The following FLRT1 variants were observed in gnomAD, a reference collection of about 807,000 sequenced individuals.
The protein encoded by FLRT1 is fibronectin leucine rich transmembrane protein 1.
FLRT1 carries 14 observed loss-of-function variants against 30.9 expected under a neutral mutation model. The observed-to-expected ratio is 0.45, with a 90% confidence interval of 0.30 to 0.71. The LOEUF is 0.71. Ranked by LOEUF, FLRT1 falls within the 30% of genes least tolerant of loss-of-function variation. FLRT1 has a pLI of 0.08. For missense variants in FLRT1, 737 were observed against 949.2 expected, an observed-to-expected ratio of 0.78 and a Z score of 2.94; for synonymous variants, 368 against 430.4, an observed-to-expected ratio of 0.85 and a Z score of 1.80.
At chr11:64,065,522 G>A (rs1943982711) in intron 1 of FLRT1, among the ~76,000 whole-genome samples, 1 of 152,192 alleles carries the variant, frequency 6.6e-6, no homozygotes, top group Non-Finnish European at 1.5e-5. Context: ...AGGCGCGGTG[G>A]CTCATGCCTG....
chr11:64,041,901 C>CAGTGAGT (rs1438986221), intron 1 of FLRT1, among the ~76,000 whole-genome samples: 1 of 152,216 alleles, frequency 6.6e-6, no homozygotes, highest in Non-Finnish European at 1.5e-5. Flanking sequence ...CCAGTTAAAG[C>CAGTGAGT]ACAGGAGTGA....
chr11:64,096,812 T>C lies in FLRT1; in HGVS notation c.-1037-6382T>C, dbSNP rs1207555303. ...GGAAGAGGGCAGGCCTGTGGGGGGCTGCCGTGTCCCCATACCCTCCAAGCA... is the reference window on the plus strand; with the variant it reads ...GGAAGAGGGCAGGCCTGTGGGGGGCCGCCGTGTCCCCATACCCTCCAAGCA... On this transcript the variant is annotated intron_variant, in intron 1 of 2. Coordinates refer to ENST00000682287, the MANE Select transcript of FLRT1 (RefSeq NM_013280.5). This position sits in a 1 kb window ranked among gnomAD's most constrained non-coding sequence, Gnocchi z 4.6. Among the ~76,000 whole-genome samples the C allele has an allele frequency of 6.6e-6, 1 of 152,196 alleles. No individual in the cohort carries two copies. Among genetic ancestry groups the C allele is most frequent in the Non-Finnish European group, 1.5e-5 (1 of 68,034 alleles).
At chr11:64,085,383 C>T (rs879722864) in intron 1 of FLRT1, among the ~76,000 whole-genome samples, 1 of 152,192 alleles carries the variant, frequency 6.6e-6, no homozygotes, top group Admixed American at 6.5e-5. Context: ...TCTCTGGGGG[C>T]GGCGGGCTGC....
intron 1 of FLRT1, among the ~76,000 whole-genome samples, chr11:64,069,944 G>T (rs373483858): frequency 6.6e-4 from 100 of 152,120 alleles, no homozygotes; most frequent in African/African-American, 2.1e-3. Context: ...AGCCCGACTC[G>T]CGCCCAGTGG....
chr11:64,088,465 G>T (rs1173994135), intron 1 of FLRT1, among the ~76,000 whole-genome samples: 1 of 152,180 alleles, frequency 6.6e-6, no homozygotes, highest in South Asian at 2.1e-4. Flanking sequence ...CTGGGGCAGG[G>T]CAGGCGCTCA....
At chr11:64,085,387 G>T (rs1013389666) in intron 1 of FLRT1, among the ~76,000 whole-genome samples, 6 of 152,332 alleles carry the variant, frequency 3.9e-5, no homozygotes, top group African/African-American at 1.4e-4. Context: ...TGGGGGCGGC[G>T]GGCTGCCTGC....
intron 1 of FLRT1, among the ~76,000 whole-genome samples, chr11:64,059,983 G>A (rs1003553246): frequency 6.6e-6 from 1 of 152,210 alleles, no homozygotes; most frequent in African/African-American, 2.4e-5. Context: ...GGTACTGAGG[G>A]CCGGGAAGGG....
At chr11:64,078,676 G>A (rs1025103360) in intron 1 of FLRT1, among the ~76,000 whole-genome samples, 4 of 152,156 alleles carry the variant, frequency 2.6e-5, no homozygotes, top group African/African-American at 7.2e-5. Context: ...GCTCTTCACC[G>A]AGCTTTGAGG....
chr11:64,056,606 G>T (rs933270500), intron 1 of FLRT1, among the ~76,000 whole-genome samples: 4 of 152,234 alleles, frequency 2.6e-5, no homozygotes, highest in Admixed American at 1.3e-4. Context: ...CCTGAGTCCG[G>T]ATGGCAGCAG....
rs912820723 is a variant in FLRT1 at position 64,110,325 on chromosome 11, T to C, written c.-49-5894T>C. On this transcript the variant is annotated intron_variant, in intron 2 of 2. Coordinates refer to ENST00000682287, the MANE Select transcript of FLRT1 (RefSeq NM_013280.5). The stretch of plus-strand genomic sequence containing the variant: ...ATTAGCTGGGTGTGGTGGTGCAGCA[T>C]GTGGTCCCAGCTCTGCAGGAGGCTG... Among the ~76,000 whole-genome samples the C allele has an allele frequency of 8.6e-5, 13 of 151,700 alleles. 1 individual carries two copies. The highest frequency in any genetic ancestry group is 7.9e-4 in the Admixed American group (12 of 15,214).
intron 1 of FLRT1, chr11:64,060,652 G>T (rs1197549017): frequency 6.6e-6 from 1 of 151,840 alleles, no homozygotes; most frequent in East Asian, 1.9e-4. Context: ...GTGACCTGGG[G>T]CAAGGTCTGT....
At chr11:64,079,591 G>A (rs1229899868) in intron 1 of FLRT1, among the ~76,000 whole-genome samples, 1 of 152,186 alleles carries the variant, frequency 6.6e-6, no homozygotes, top group East Asian at 1.9e-4. Flanking sequence ...AGGGTCCTGG[G>A]CGTGGGGTGG....
chr11:64,058,154 T>C (rs74909261), intron 1 of FLRT1, among the ~76,000 whole-genome samples: 4,132 of 152,370 alleles, frequency 0.027, 89 homozygotes, highest in Middle Eastern at 0.051. Context: ...GTTTCTGGGA[T>C]AGACGGTGGA....
intron 1 of FLRT1, among the ~76,000 whole-genome samples, chr11:64,048,218 G>A (rs1943622705): frequency 6.6e-6 from 1 of 152,246 alleles, no homozygotes; most frequent in African/African-American, 2.4e-5. Context: ...GGCCTTCGAG[G>A]AGAGCTCAGC....
rs148936962 is a variant in FLRT1, at chr11:64,067,163, G to A, written c.-1038+31004G>A. Among the ~76,000 whole-genome samples the A allele has an allele frequency of 1.1e-4, 17 of 152,276 alleles. No individual in the cohort carries two copies. Among genetic ancestry groups the A allele is most frequent in the Non-Finnish European group, 1.9e-4 (13 of 68,022 alleles). On this transcript the variant is annotated intron_variant, in intron 1 of 2. Coordinates refer to ENST00000682287, the MANE Select transcript of FLRT1 (RefSeq NM_013280.5). This position sits in a 1 kb window ranked among gnomAD's most constrained non-coding sequence, Gnocchi z 4.6. ...GCAGGGCTGGTGGGGGTGGGAGGCC[G>A]GCCATACCCACCTGTAGGCACATGC...
chr11:64,078,211 C>A (rs1408258665), intron 1 of FLRT1, among the ~76,000 whole-genome samples: 1 of 152,190 alleles, frequency 6.6e-6, no homozygotes, highest in Non-Finnish European at 1.5e-5. Flanking sequence ...TGGCCATGCC[C>A]ATGCCCAGTA....
chr11:64,081,682 A>C (rs2134493357), intron 1 of FLRT1: 1 of 152,196 alleles, frequency 6.6e-6, no homozygotes, highest in Middle Eastern at 3.4e-3. Context: ...TTTCTGCTTG[A>C]ACCATGCAGG....
chr11:64,038,748 T>C (rs1267646614), intron 1 of FLRT1, among the ~76,000 whole-genome samples: 1 of 152,112 alleles, frequency 6.6e-6, no homozygotes, highest in Non-Finnish European at 1.5e-5. Context: ...AGTCTGGAAA[T>C]GATATCAACC....
intron 1 of FLRT1, among the ~76,000 whole-genome samples, chr11:64,091,933 G>A (rs1434162864): frequency 6.6e-6 from 1 of 152,174 alleles, no homozygotes; most frequent in African/African-American, 2.4e-5. Flanking sequence ...CTCTGGGGCT[G>A]CAGGAAGCAT....
Sources: allele counts gnomAD v4.1 joint callset (sites outside exome capture counted in the v4.1 genomes callset), GRCh38; gene constraint gnomAD v4.1.1; non-coding constraint Gnocchi (gnomAD v3.1); transcripts MANE v1.5; gene names NCBI Gene and HGNC (gene_info 2026-07-23, HGNC 2026-07-21).